Variants in ADAMTS16 observed in about 807,000 individuals in gnomAD.
ADAMTS16 encodes ADAM metallopeptidase with thrombospondin type 1 motif 16.
In ADAMTS16, 94 loss-of-function variants were observed where a neutral mutation model predicts 145.8. That is an observed-to-expected ratio of 0.64 (90% CI 0.55 to 0.77). The LOEUF (loss-of-function observed/expected upper bound fraction) is 0.77, where lower values mean the gene tolerates loss of function less well. ADAMTS16 is among the 30% of genes least tolerant of loss of function. The pLI, the probability that ADAMTS16 is intolerant of heterozygous loss-of-function variation, is 0.00. For synonymous variants in ADAMTS16, 659 were observed against 604.3 expected, an observed-to-expected ratio of 1.09 and a Z score of -1.33; for missense variants, 1,585 against 1,591.5, an observed-to-expected ratio of 1.00 and a Z score of 0.07.
intron 18 of ADAMTS16, among the ~76,000 whole-genome samples, chr5:5,289,997 A>G (rs1442126164): frequency 6.6e-6 from 1 of 152,248 alleles, no homozygotes; most frequent in Non-Finnish European, 1.5e-5. Flanking sequence ...CAGAAAACCT[A>G]AACCTAGTTT....
chr5:5,146,952 G>A (rs185352884), intron 3 of ADAMTS16, among the ~76,000 whole-genome samples: 2 of 152,128 alleles, frequency 1.3e-5, no homozygotes, highest in African/African-American at 4.8e-5. Flanking sequence ...TTCATCCATG[G>A]CAGGGCGTTG....
At chr5:5,245,082 A>C (rs1278987170) in intron 17 of ADAMTS16, among the ~76,000 whole-genome samples, 1 of 152,204 alleles carries the variant, frequency 6.6e-6, no homozygotes, top group African/African-American at 2.4e-5. Context: ...TTCAGAATTT[A>C]CTGTCTCTGC....
Position 5,317,787 on chromosome 5 carries a change from G to C in ADAMTS16, c.3412-347G>C, listed in dbSNP as rs769929638. Among the ~76,000 whole-genome samples the C allele has an allele frequency of 6.6e-6, 1 of 152,160 alleles. No homozygotes were observed. The highest frequency in any genetic ancestry group is 1.9e-4 in the East Asian group (1 of 5,186). On this transcript the variant is annotated intron_variant, in intron 21 of 22. Transcript: ENST00000274181. The surrounding 1 kb of genome is among the most constrained non-coding windows in gnomAD (Gnocchi z 4.5). ...TGAGACTATAGAATCCAACTCTAGC[G>C]GTTCAAATCCCAGCCTGAGCAAGTC... is the stretch of plus-strand genomic sequence containing the variant.
chr5:5,186,672 A>G (rs1053113105), intron 5 of ADAMTS16, among the ~76,000 whole-genome samples: 2 of 152,204 alleles, frequency 1.3e-5, no homozygotes, highest in African/African-American at 4.8e-5. Flanking sequence ...TGCTAAATAT[A>G]AATTATTTTA....
At chr5:5,153,193 C>T (rs1188840782) in intron 3 of ADAMTS16, among the ~76,000 whole-genome samples, 1 of 152,250 alleles carries the variant, frequency 6.6e-6, no homozygotes, top group Non-Finnish European at 1.5e-5. Context: ...CCATCTTCCT[C>T]AGCATCTAAT....
chr5:5,193,830 G>A (rs535934371), intron 8 of ADAMTS16, among the ~76,000 whole-genome samples: 7 of 152,198 alleles, frequency 4.6e-5, no homozygotes, highest in Non-Finnish European at 7.3e-5. Flanking sequence ...CCAGTCGGGC[G>A]TGGTGGCTCA....
intron 6 of ADAMTS16, 27 bp from the exon 7 acceptor site, chr5:5,189,944 G>C (rs1735611979): frequency 6.2e-7 from 1 of 1,607,400 alleles, no homozygotes. Flanking sequence ...ATTATCATGG[G>C]GTCCTCGGTC....
intron 17 of ADAMTS16, among the ~76,000 whole-genome samples, chr5:5,260,097 T>A (rs1737955028): frequency 6.6e-6 from 1 of 152,270 alleles, no homozygotes; most frequent in South Asian, 2.1e-4. Flanking sequence ...CCCAAGGGAT[T>A]GAGGTCCATC....
chr5:5,273,975 A>G (rs1185434765), intron 18 of ADAMTS16, among the ~76,000 whole-genome samples: 3 of 151,862 alleles, frequency 2.0e-5, no homozygotes, highest in Non-Finnish European at 2.9e-5. Context: ...GAGTTTTTAT[A>G]TTTTGTTTGC....
intron 18 of ADAMTS16, among the ~76,000 whole-genome samples, chr5:5,292,840 A>G (rs1052222065): frequency 3.3e-5 from 5 of 152,176 alleles, no homozygotes; most frequent in African/African-American, 1.2e-4. Context: ...ATCCCTCTTC[A>G]TAGCCATTGT....
At chr5:5,219,636 T>C (rs994203792) in intron 10 of ADAMTS16, among the ~76,000 whole-genome samples, 5 of 152,140 alleles carry the variant, frequency 3.3e-5, no homozygotes, top group Non-Finnish European at 7.3e-5. Flanking sequence ...ATACCGTGGG[T>C]TATATGATCG....
intron 5 of ADAMTS16, among the ~76,000 whole-genome samples, chr5:5,187,245 TC>T (rs1453887456): frequency 6.6e-6 from 1 of 152,230 alleles, no homozygotes; most frequent in Non-Finnish European, 1.5e-5. Flanking sequence ...GCCACTGTGA[TC>T]ACTCATTTCC....
At chr5:5,165,792 A>T (rs1734859851) in intron 3 of ADAMTS16, among the ~76,000 whole-genome samples, 1 of 152,294 alleles carries the variant, frequency 6.6e-6, no homozygotes, top group South Asian at 2.1e-4. Context: ...GTGCAAAAAC[A>T]TGGGTGAGTT....
intron 20 of ADAMTS16, among the ~76,000 whole-genome samples, chr5:5,305,427 CAA>C (rs1365925937): frequency 1.1e-5 from 1 of 87,550 alleles, no homozygotes; most frequent in African/African-American, 4.1e-5. Context: ...ACCACACACA[CAA>C]CCCACACCAC....
At chr5:5,181,203 G>T (rs1250752120) in intron 3 of ADAMTS16, among the ~76,000 whole-genome samples, 1 of 152,196 alleles carries the variant, frequency 6.6e-6, no homozygotes, top group African/African-American at 2.4e-5. Flanking sequence ...AATTGTGCAC[G>T]TTAACTCATA....
intron 17 of ADAMTS16, among the ~76,000 whole-genome samples, chr5:5,246,475 G>A (rs759771380): frequency 6.6e-5 from 10 of 152,090 alleles, no homozygotes; most frequent in South Asian, 2.1e-4. Flanking sequence ...GATTGAAATC[G>A]CTTGCAAACT....
intron 15 of ADAMTS16, 113 bp downstream of exon 15, chr5:5,239,387 C>T: frequency 2.8e-6 from 4 of 1,427,446 alleles, no homozygotes; most frequent in Non-Finnish European, 3.8e-6. Flanking sequence ...CGCTGCCTCG[C>T]TTCCTGCCTC....
At chr5:5,251,938 C>T (rs1220488277) in intron 17 of ADAMTS16, among the ~76,000 whole-genome samples, 1 of 152,106 alleles carries the variant, frequency 6.6e-6, no homozygotes, top group Non-Finnish European at 1.5e-5. Context: ...CTCACTGCAA[C>T]CTCCCGGGTT....
At chr5:5,239,436 G>C (rs1737213598) in intron 15 of ADAMTS16, among the ~76,000 whole-genome samples, 162 bp downstream of exon 15, 1 of 152,192 alleles carries the variant, frequency 6.6e-6, no homozygotes, top group African/African-American at 2.4e-5. Context: ...GCTTTGATTG[G>C]AAGTGGTTGC....
Sources: allele counts gnomAD v4.1 joint callset (sites outside exome capture counted in the v4.1 genomes callset), GRCh38; gene constraint gnomAD v4.1.1; non-coding constraint Gnocchi (gnomAD v3.1); transcripts MANE v1.5; gene names NCBI Gene and HGNC (gene_info 2026-07-23, HGNC 2026-07-21).